The following TINF2 variants were observed in gnomAD, a reference collection of about 807,000 sequenced individuals.
TINF2 encodes the protein TERF1 interacting nuclear factor 2.
A neutral mutation model predicts 50.4 loss-of-function variants in TINF2; 27 were observed. That is an observed-to-expected ratio of 0.54 (90% CI 0.40 to 0.74). The LOEUF (loss-of-function observed/expected upper bound fraction) is 0.74. Ranked by LOEUF, TINF2 falls within the 30% of genes least tolerant of loss-of-function variation. TINF2 has a pLI of 0.00. For missense variants in TINF2, 496 were observed against 551.5 expected, an observed-to-expected ratio of 0.90 and a Z score of 1.01; for synonymous variants, 223 against 214.6, an observed-to-expected ratio of 1.04 and a Z score of -0.34.
intron 2 of TINF2, 30 bp downstream of exon 2, chr14:24,241,860 G>A (rs534072086): frequency 6.2e-7 from 1 of 1,613,936 alleles, no homozygotes; most frequent in East Asian, 2.2e-5. Flanking sequence ...AGTGTAACTG[G>A]GGTCAGGGCT....
intron 5 of TINF2, 26 bp from the exon 6 acceptor site, chr14:24,240,901 T>C (rs766387643): frequency 6.2e-7 from 1 of 1,613,928 alleles, no homozygotes; most frequent in African/African-American, 1.3e-5. Context: ...AGGCCCCTTA[T>C]AAAGAGAACA....
chr14:24,240,242 A>T (rs1311746563), intron 7 of TINF2, 21 bp downstream of exon 7: 2 of 1,614,038 alleles, frequency 1.2e-6, no homozygotes, highest in African/African-American at 2.7e-5. Context: ...TGTTGATCCA[A>T]TCCTGACTCA....
Position 24,240,500 on chromosome 14 carries a change from T to A in TINF2, c.980A>T (p.Lys327Met). ...AMGTRAASTG[K>M]SKSPCQTLGG... is the part of the protein sequence containing the mutation. ...CAGGGTCTGGCATGGACTCTTAGAC[T>A]TCCCAGTGGAGGCTGCTCTTGTGCC... The change falls in exon 6 of 9, where the codon AAG becomes ATG. Residue 327 changes from lysine (K) to methionine (M), a missense_variant. This residue lies in a region of TINF2 where 179 missense variants were observed against 188.3 expected (regional missense o/e 0.95). Transcript: ENST00000267415. 2 of 1,614,208 alleles carry A rather than the reference T, an allele frequency of 1.2e-6. No homozygotes were observed. Among genetic ancestry groups the A allele is most frequent in the Non-Finnish European group, 1.7e-6 (2 of 1,180,020 alleles).
At position 24,242,312 on chromosome 14, in the gene TINF2, C is replaced by T; in HGVS notation, c.21G>A (p.Ala7=). MATPLV[A]GPAALRFAAA... Reference sequence around the variant, plus strand: ...CGGCGAAGCGTAGAGCTGCGGGACCCGCCACCAGGGGCGTAGCCATGGTCG... The same window carrying T: ...CGGCGAAGCGTAGAGCTGCGGGACCTGCCACCAGGGGCGTAGCCATGGTCG... The change falls in exon 1 of 9, where the codon GCG becomes GCA. Residue 7 remains alanine (A), a synonymous_variant. Coordinates refer to ENST00000267415, the MANE Select transcript of TINF2 (RefSeq NM_001099274.3). The T allele has an allele frequency of 3.7e-6, 6 of 1,612,970 alleles. No homozygotes were observed.
chr14:24,241,470 A>C, intron 3 of TINF2, 159 bp from the exon 4 acceptor site: 2 of 830,934 alleles, frequency 2.4e-6, no homozygotes, highest in Non-Finnish European at 4.0e-6. Context: ...TCTCTACTAA[A>C]ATACAAAAAT....
Position 24,242,285 on chromosome 14 carries a change from G to A in TINF2, c.48C>T (p.Ala16=). The change falls in exon 1 of 9, where the codon GCC becomes GCT. Residue 16 remains alanine (A), a synonymous_variant. Coordinates refer to ENST00000267415, the MANE Select transcript of TINF2 (RefSeq NM_001099274.3). Reference sequence around the variant, plus strand: ...CGCGCACAACCTGCCAGCTAGCCGCGGCGGCGAAGCGTAGAGCTGCGGGAC... The same window carrying A: ...CGCGCACAACCTGCCAGCTAGCCGCAGCGGCGAAGCGTAGAGCTGCGGGAC... ...VAGPAALRFA[A]AASWQVVRGR... is the part of the protein sequence containing the mutation. 6.2e-7 allele frequency: 1 copy of A among 1,613,882 alleles called. No homozygotes were observed. Among genetic ancestry groups the A allele is most frequent in the Non-Finnish European group, 8.5e-7 (1 of 1,180,016 alleles).
chr14:24,242,352 G>C lies in TINF2; in HGVS notation c.-20C>G, dbSNP rs1374148026. On this transcript the variant is annotated 5_prime_UTR_variant, in exon 1 of 9. Coordinates refer to ENST00000267415, the MANE Select transcript of TINF2 (RefSeq NM_001099274.3). The stretch of plus-strand genomic sequence containing the variant: ...AGCCATGGTCGGCGGGCTCCGCCCG[G>C]AGGCGGTCCCTCCGGGTTCCTCACC... 6 of 1,607,884 alleles carry C rather than the reference G, an allele frequency of 3.7e-6. No homozygotes were observed. The East Asian group carries it at 1.3e-4, about 36-fold the overall frequency.
At position 24,242,039 on chromosome 14, in the gene TINF2, C is replaced by T. The variant is rs761112453; in HGVS notation, c.193-45G>A. On this transcript the variant is annotated intron_variant, in intron 1 of 8. Coordinates refer to ENST00000267415, the MANE Select transcript of TINF2 (RefSeq NM_001099274.3). ...GAATCCCCACTTCGGGGCAAGCTGA[C>T]CTTTTCCAACTAGTCTCATCCCCAA... 2.5e-6 allele frequency: 4 copies of T among 1,614,094 alleles called. No individual in the cohort carries two copies. In the East Asian group the frequency reaches 6.7e-5, roughly 27 times the overall value.
chr14:24,240,519 T>C lies in TINF2; in HGVS notation c.961A>G (p.Arg321Gly), dbSNP rs1308095527. 6.2e-7 allele frequency: 1 copy of C among 1,614,118 alleles called. No homozygotes were observed. The highest frequency in any genetic ancestry group is 8.5e-7 in the Non-Finnish European group (1 of 1,180,044). Reference protein sequence around the residue: ...IYTADLAMGTRAASTGKSKSP... With the variant: ...IYTADLAMGTGAASTGKSKSP... ...TTAGACTTCCCAGTGGAGGCTGCTC[T>C]TGTGCCCATGGCTAGGTCTGCTGTG... The change falls in exon 6 of 9, where the codon AGA becomes GGA. Residue 321 changes from arginine to glycine, a missense_variant. Arg to Gly is a moderately radical substitution (Grantham distance 125, BLOSUM62 -2). This residue lies in a region of TINF2 where 179 missense variants were observed against 188.3 expected (regional missense o/e 0.95). Coordinates refer to ENST00000267415, the MANE Select transcript of TINF2 (RefSeq NM_001099274.3).
intron 5 of TINF2, 69 bp from the exon 6 acceptor site, chr14:24,240,944 G>A (rs976193675): frequency 1.6e-5 from 26 of 1,613,688 alleles, no homozygotes; most frequent in Middle Eastern, 1.6e-4. Flanking sequence ...TCTTATGCCC[G>A]GAGCCCATGG....
At chr14:24,242,071 G>A (rs2040592750) in intron 1 of TINF2, 70 bp downstream of exon 1, 5 of 1,613,836 alleles carry the variant, frequency 3.1e-6, no homozygotes, top group Non-Finnish European at 2.5e-6. Flanking sequence ...CCAAGCTGTG[G>A]GCCCTTGTCA....
Position 24,242,235 on chromosome 14 carries a change from C to G in TINF2, c.98G>C (p.Arg33Pro). ...CAGAGATCGCAGAAACTCCAGTACT[C>G]GCGGAAAATGTTCCACGCAGCGTCC... ...VRGRCVEHFP[R>P]VLEFLRSLRA... The change falls in exon 1 of 9, where the codon CGA becomes CCA. Residue 33 changes from arginine to proline, a missense_variant. Transcript: ENST00000267415. The G allele has an allele frequency of 6.2e-7, 1 of 1,614,256 alleles. No homozygotes were observed. Among genetic ancestry groups the G allele is most frequent in the Non-Finnish European group, 8.5e-7 (1 of 1,180,044 alleles).
At position 24,242,597 on chromosome 14, in the gene TINF2, C is replaced by T. The variant is rs1594556951; in HGVS notation, c.-265G>A. ...CTGGGTCGCTCAGCTTTAAACGTCG[C>T]CGCTGTCTCGAGCCCGAGGGTGCCT... On this transcript the variant is annotated 5_prime_UTR_variant, in exon 1 of 9. Coordinates refer to ENST00000267415, the MANE Select transcript of TINF2 (RefSeq NM_001099274.3). 7.6e-7 allele frequency: 1 copy of T among 1,321,926 alleles called. No individual in the cohort carries two copies. The highest frequency in any genetic ancestry group is 9.7e-7 in the Non-Finnish European group (1 of 1,035,258). The allele number at this position is 1,321,926 out of a possible 1,614,324, so 81.9% of individuals were successfully genotyped here.
chr14:24,240,024 A>G (rs1028670265), intron 8 of TINF2, 40 bp downstream of exon 8: 9 of 1,613,958 alleles, frequency 5.6e-6, no homozygotes, highest in Admixed American at 1.7e-5. Flanking sequence ...GTCTTGTTCT[A>G]CCCATCCCCT....
At position 24,241,055 on chromosome 14, in the gene TINF2, C is replaced by T. The variant is rs1382407347; in HGVS notation, c.569G>A (p.Arg190Lys). Residue 190 changes from arginine to lysine, a missense_variant, in exon 5 of 9, where the codon AGA becomes AAA. Physicochemically the swap from Arg to Lys is conservative, Grantham distance 26. This residue lies in a region of TINF2 where 314 missense variants were observed against 343.8 expected (regional missense o/e 0.91). Coordinates refer to ENST00000267415, the MANE Select transcript of TINF2 (RefSeq NM_001099274.3). ...CCACCCCATGTCCACACCATATTGT[C>T]TCCAGGCAAGAGAAGAGGTGATAGA... ...GVSITSSLAW[R>K]QYGVDMGWLL... 6.2e-7 allele frequency: 1 copy of T among 1,614,114 alleles called. No homozygotes were observed. The highest frequency in any genetic ancestry group is 8.5e-7 in the Non-Finnish European group (1 of 1,180,034).
At chr14:24,241,156 A>C (rs2040571070) in intron 4 of TINF2, 40 bp from the exon 5 acceptor site, 1 of 1,614,014 alleles carries the variant, frequency 6.2e-7, no homozygotes, top group African/African-American at 1.3e-5. Context: ...ACAATCCTTG[A>C]AACAGCCACC....
rs765227954 is a variant in TINF2, at chr14:24,241,063, A to T, written c.561T>A (p.Leu187=). The part of the protein sequence containing the change: ...MQPGVSITSS[L]AWRQYGVDMG... ...TGTCCACACCATATTGTCTCCAGGC[A>T]AGAGAAGAGGTGATAGAGACTCCAG... is the stretch of plus-strand genomic sequence containing the variant. The change falls in exon 5 of 9, where the codon CTT becomes CTA. Residue 187 remains leucine (L), a synonymous_variant. Coordinates refer to ENST00000267415, the MANE Select transcript of TINF2 (RefSeq NM_001099274.3). 1 of 1,614,174 alleles carries T rather than the reference A, an allele frequency of 6.2e-7. No individual in the cohort carries two copies. The highest frequency in any genetic ancestry group is 2.2e-5 in the East Asian group (1 of 44,888).
Position 24,239,822 on chromosome 14 carries a change from C to T in TINF2, c.1331G>A (p.Cys444Tyr), listed in dbSNP as rs1455962316. 2 of 1,614,174 alleles carry T rather than the reference C, an allele frequency of 1.2e-6. No homozygotes were observed. The highest frequency in any genetic ancestry group is 1.7e-6 in the Non-Finnish European group (2 of 1,180,028). The change falls in exon 9 of 9, where the codon TGT becomes TAT. Residue 444 changes from cysteine to tyrosine, a missense_variant. Physicochemically the swap from Cys to Tyr is radical, Grantham distance 194. This residue lies in a region of TINF2 where 179 missense variants were observed against 188.3 expected (regional missense o/e 0.95). Transcript: ENST00000267415. ...TCACAAAGGTCTAGAACTGTCTCTA[C>T]AGTCACAGGAAGAAACAGGTATGGC... ...HGAIPVSSCDCRDSSRPL is the reference protein window; with the variant it reads ...HGAIPVSSCDYRDSSRPL
chr14:24,240,305 G>A lies in TINF2; in HGVS notation c.1087C>T (p.Pro363Ser). 1 of 1,613,922 alleles carries A rather than the reference G, an allele frequency of 6.2e-7. No homozygotes were observed. The highest frequency in any genetic ancestry group is 1.7e-4 in the Middle Eastern group (1 of 6,060). Residue 363 changes from proline (P) to serine (S), a missense_variant, in exon 7 of 9, where the codon CCC becomes TCC. Physicochemically the swap from Pro to Ser is moderately conservative, Grantham distance 74. Around this residue, in one of 3 missense-constraint regions of TINF2, gnomAD observed 179 missense variants for 188.3 expected, o/e 0.95. Transcript: ENST00000267415. ...GGAGGTAATAATGATAGTCTCAGGG[G>A]GTCCATGTAGCAATCCAAGCAATTC... is the stretch of plus-strand genomic sequence containing the variant. ...KENCLDCYMD[P>S]LRLSLLPPRA...
Sources: gnomAD v4.1 joint callset for allele counts on GRCh38, gnomAD v4.1.1 for gene constraint, gnomAD v4.1.1 regional missense constraint, MANE v1.5 for transcripts, NCBI Gene and HGNC (gene_info 2026-07-23, HGNC 2026-07-21) for gene names.